DMD: variants seen among roughly 807,000 people sequenced by gnomAD.
DMD encodes the protein dystrophin, also known as mutant dystrophin.
Under a neutral mutation model 330.1 loss-of-function variants are expected in DMD, and 63 were observed. That is an observed-to-expected ratio of 0.19 (90% CI 0.16 to 0.24). DMD has a LOEUF of 0.24. DMD is among the 10% of genes least tolerant of loss of function. The pLI is 1.00. For synonymous variants in DMD, 1,223 were observed against 959.8 expected (o/e 1.27, Z -5.07); for missense variants, 3,344 against 2,684.1 (o/e 1.25, Z -5.43).
intron 60 of DMD, among the ~76,000 whole-genome samples, chrX:31,400,798 G>A (rs1264593518): frequency 8.9e-6 from 1 of 112,147 alleles, no homozygotes; most frequent in African/African-American, 3.2e-5. Flanking sequence ...GCAGGACAAT[G>A]AAAACAATCA....
intron 44 of DMD, among the ~76,000 whole-genome samples, chrX:32,205,144 G>T (rs1020610345): frequency 1.0e-5 from 1 of 99,002 alleles, no homozygotes; most frequent in Non-Finnish European, 2.0e-5. Context: ...TCAAAGGCCG[G>T]TGTTGATCCA....
intron 62 of DMD, among the ~76,000 whole-genome samples, chrX:31,272,282 C>T (rs1054320709): frequency 2.7e-5 from 3 of 112,118 alleles, no homozygotes; most frequent in African/African-American, 6.5e-5. Flanking sequence ...CCTCACAGGC[C>T]GACGGTTGCT....
At chrX:32,729,469 T>C (rs1305516706) in intron 7 of DMD, among the ~76,000 whole-genome samples, 2 of 111,957 alleles carry the variant, frequency 1.8e-5, no homozygotes, top group African/African-American at 6.5e-5. Flanking sequence ...ATGTATCTTC[T>C]GCCTCTTTTC....
intron 18 of DMD, among the ~76,000 whole-genome samples, chrX:32,516,234 T>A (rs1234724910): frequency 8.9e-6 from 1 of 111,888 alleles, no homozygotes; most frequent in African/African-American, 3.3e-5. Flanking sequence ...CGTAATTATG[T>A]ATTTCTCTCA....
At chrX:33,150,661 T>G (rs981558965) in intron 1 of DMD, among the ~76,000 whole-genome samples, 12 of 108,387 alleles carry the variant, frequency 1.1e-4, no homozygotes, top group Non-Finnish European at 9.5e-5. Flanking sequence ...TTCCACTCAT[T>G]CCCTTAACCT....
At chrX:31,636,278 A>G (rs970273922) in intron 54 of DMD, among the ~76,000 whole-genome samples, 9 of 111,716 alleles carry the variant, frequency 8.1e-5, no homozygotes, top group African/African-American at 2.9e-4. Context: ...TAATCGGTAC[A>G]ACAAACCCCC....
At chrX:32,568,634 C>T (rs1321834606) in intron 15 of DMD, among the ~76,000 whole-genome samples, 1 of 111,337 alleles carries the variant, frequency 9.0e-6, no homozygotes, top group Non-Finnish European at 1.9e-5. Context: ...AAACACTGAA[C>T]CCAGACTTAT....
chrX:32,523,648 T>A (rs189541371), intron 17 of DMD, among the ~76,000 whole-genome samples: 1 of 111,902 alleles, frequency 8.9e-6, no homozygotes, highest in East Asian at 2.8e-4. Context: ...ATAAAAACAG[T>A]TTTCCTTTGG....
intron 2 of DMD, among the ~76,000 whole-genome samples, chrX:32,876,061 T>C (rs1259040368): frequency 1.8e-5 from 2 of 111,606 alleles, no homozygotes; most frequent in Non-Finnish European, 3.8e-5. Flanking sequence ...TCCAGACATA[T>C]TTTCCGGAGA....
At chrX:33,082,609 T>A (rs905690370) in intron 1 of DMD, among the ~76,000 whole-genome samples, 2 of 112,459 alleles carry the variant, frequency 1.8e-5, no homozygotes, top group African/African-American at 6.5e-5. Flanking sequence ...AGAAGGAGCC[T>A]AGAGAAGCCA....
intron 47 of DMD, among the ~76,000 whole-genome samples, chrX:31,923,594 CTTTTTT>C (rs746084752): frequency 7.9e-5 from 6 of 76,210 alleles, no homozygotes; most frequent in Non-Finnish European, 1.4e-4. Context: ...GGTGAACACC[CTTTTTT>C]TTTTTTTTTT....
At chrX:32,175,879 T>G (rs2096904924) in intron 44 of DMD, among the ~76,000 whole-genome samples, 1 of 111,963 alleles carries the variant, frequency 8.9e-6, no homozygotes, top group East Asian at 2.8e-4. Context: ...GAACGTTCAT[T>G]AAGACATTTA....
intron 55 of DMD, among the ~76,000 whole-genome samples, chrX:31,621,299 G>A (rs1209966267): frequency 8.9e-6 from 1 of 111,903 alleles, no homozygotes; most frequent in Non-Finnish European, 1.9e-5. Context: ...TGTTTTGTTT[G>A]TTCAACCTCA....
At chrX:32,901,738 T>C (rs1170807479) in intron 2 of DMD, among the ~76,000 whole-genome samples, 1 of 110,888 alleles carries the variant, frequency 9.0e-6, no homozygotes, top group Non-Finnish European at 1.9e-5. Flanking sequence ...TACGATCATA[T>C]AGAAAATTAT....
chrX:32,299,385 A>G (rs375951335), intron 42 of DMD, among the ~76,000 whole-genome samples: 1 of 110,841 alleles, frequency 9.0e-6, no homozygotes, highest in East Asian at 2.8e-4. Flanking sequence ...AAAAAACTGG[A>G]TTCACAGTTT....
At chrX:33,063,282 T>A (rs777227675) in intron 1 of DMD, among the ~76,000 whole-genome samples, 1 of 111,522 alleles carries the variant, frequency 9.0e-6, no homozygotes, top group South Asian at 3.7e-4. Flanking sequence ...TTTTCAATGA[T>A]AATTTACATA....
At chrX:31,407,321 C>T (rs1443415824) in intron 60 of DMD, among the ~76,000 whole-genome samples, 4 of 110,178 alleles carry the variant, frequency 3.6e-5, no homozygotes, top group African/African-American at 9.9e-5. Context: ...CCTGTCACCA[C>T]GTCCAGCTAA....
chrX:31,841,529 T>C (rs2093318360), intron 48 of DMD, among the ~76,000 whole-genome samples: 1 of 107,215 alleles, frequency 9.3e-6, no homozygotes, highest in South Asian at 4.1e-4. Flanking sequence ...AGGACTTTCA[T>C]AGCTAGAGAG....
chrX:32,867,331 C>T (rs186836683), intron 2 of DMD, among the ~76,000 whole-genome samples: 1 of 111,819 alleles, frequency 8.9e-6, no homozygotes, highest in East Asian at 2.8e-4. Flanking sequence ...AAAAATAGTT[C>T]CCTGTGAACT....
Sources: gnomAD v4.1 joint callset for allele counts (sites outside exome capture counted in the v4.1 genomes callset) on GRCh38, gnomAD v4.1.1 for gene constraint, MANE v1.5 for transcripts, NCBI Gene and HGNC (gene_info 2026-07-23, HGNC 2026-07-21) for gene names.